Variants in PNKD observed in about 807,000 individuals in gnomAD.
PNKD encodes the protein PNKD metallo-beta-lactamase domain containing, also known as probable thioesterase PNKD.
In PNKD, 36 loss-of-function variants were observed where a neutral mutation model predicts 45.3. The ratio of observed to expected loss-of-function variants is 0.80; its 90% CI spans 0.61 to 1.05. PNKD has a LOEUF of 1.05. Ranked by LOEUF, PNKD falls within the 50% of genes least tolerant of loss-of-function variation. The probability of loss-of-function intolerance (pLI) is 0.00; values close to 1 mark genes in which losing one functional copy is unlikely to be tolerated. For missense variants in PNKD, 511 were observed against 506.6 expected (o/e 1.01, Z -0.08); for synonymous variants, 197 against 210.1 (o/e 0.94, Z 0.54).
intron 2 of PNKD, among the ~76,000 whole-genome samples, chr2:218,325,111 G>T (rs1281479895): frequency 1.4e-5 from 2 of 142,754 alleles, no homozygotes; most frequent in African/African-American, 5.2e-5. Flanking sequence ...GTGTTGGTCA[G>T]GCTGGTTGCA....
chr2:218,306,312 C>T (rs1574680251), intron 2 of PNKD, among the ~76,000 whole-genome samples: 2 of 152,072 alleles, frequency 1.3e-5, no homozygotes, highest in Admixed American at 1.3e-4. Context: ...CATGAGGACC[C>T]AAGGGCCTGA....
chr2:218,280,185 A>G (rs1691743139), intron 2 of PNKD: 2 of 1,242,698 alleles, frequency 1.6e-6, no homozygotes, highest in Non-Finnish European at 2.4e-6. Flanking sequence ...GTCAATCCCA[A>G]AGCCTCCCTG....
chr2:218,341,797 G>C, intron 6 of PNKD, 171 bp downstream of exon 6: 1 of 766,482 alleles, frequency 1.3e-6, no homozygotes, highest in South Asian at 1.5e-5. Context: ...AACTGATCCA[G>C]CCATAGTCCC....
intron 2 of PNKD, chr2:218,274,313 TC>T (rs1690999339): frequency 6.4e-6 from 1 of 155,086 alleles, no homozygotes; most frequent in Middle Eastern, 5.2e-4. Flanking sequence ...TGATTTGATT[TC>T]TGCCCCCACC....
intron 2 of PNKD, among the ~76,000 whole-genome samples, chr2:218,299,535 C>G (rs1574675435): frequency 6.6e-6 from 1 of 152,250 alleles, no homozygotes; most frequent in East Asian, 1.9e-4. Flanking sequence ...GCCTCAGCCC[C>G]CTGGGCTCAA....
At position 218,345,622 on chromosome 2, in the gene PNKD, C is replaced by A. The variant is rs577650959; in HGVS notation, c.*641C>A. The stretch of plus-strand genomic sequence containing the variant: ...ACTCTCTGCCTCAGTGGCCTCCCTA[C>A]AGCCTGGAAGAAGGAGGGTCCTGAT... On this transcript the variant is annotated 3_prime_UTR_variant, in exon 10 of 10. Coordinates refer to ENST00000273077, the MANE Select transcript of PNKD (RefSeq NM_015488.5). 2 of 152,938 alleles carry A rather than the reference C, an allele frequency of 1.3e-5. No individual in the cohort carries two copies. The highest frequency in any genetic ancestry group is 1.3e-4 in the Admixed American group (2 of 15,334). The allele number at this position is 152,938 out of a possible 1,614,324, so 9.5% of individuals were successfully genotyped here.
rs150838615 is a variant in PNKD at position 218,277,935 on chromosome 2, A to G, written c.236+6386A>G. Reference sequence around the variant, plus strand: ...CCTCCTGCCACCCTTCTAGACTTACAAAAAGGGTCAGCAGAATGATGTTCC... The same window carrying G: ...CCTCCTGCCACCCTTCTAGACTTACGAAAAGGGTCAGCAGAATGATGTTCC... On this transcript the variant is annotated intron_variant, in intron 2 of 9. Transcript: ENST00000273077. 1.8e-4 allele frequency: 295 copies of G among 1,614,182 alleles called. No homozygotes were observed. In the African/African-American group the frequency reaches 3.4e-3, roughly 18 times the overall value.
At chr2:218,327,609 C>T (rs1355708095) in intron 2 of PNKD, among the ~76,000 whole-genome samples, 2 of 152,138 alleles carry the variant, frequency 1.3e-5, no homozygotes, top group African/African-American at 4.8e-5. Context: ...GTGTCCCCTT[C>T]TGCAAGCCAC....
chr2:218,300,054 A>G (rs1693236486), intron 2 of PNKD, among the ~76,000 whole-genome samples: 1 of 152,004 alleles, frequency 6.6e-6, no homozygotes, highest in Non-Finnish European at 1.5e-5. Context: ...ACCGCGCCTG[A>G]CCACCACCTC....
At chr2:218,279,378 G>A in intron 2 of PNKD, 1 of 1,535,654 alleles carries the variant, frequency 6.5e-7, no homozygotes, top group Non-Finnish European at 8.8e-7. Context: ...CCGGGCATGG[G>A]TCACCATCCG....
chr2:218,324,043 C>A (rs1694071744), intron 2 of PNKD, among the ~76,000 whole-genome samples: 1 of 152,162 alleles, frequency 6.6e-6, no homozygotes, highest in South Asian at 2.1e-4. Flanking sequence ...TGAAATCTGA[C>A]CCAACTGACT....
At chr2:218,316,049 C>A (rs1311760561) in intron 2 of PNKD, among the ~76,000 whole-genome samples, 3 of 152,180 alleles carry the variant, frequency 2.0e-5, no homozygotes, top group African/African-American at 7.2e-5. Context: ...AGACCAGCAA[C>A]ATCAGTGGCG....
intron 2 of PNKD, among the ~76,000 whole-genome samples, chr2:218,309,378 C>T (rs946700912): frequency 7.7e-6 from 1 of 129,784 alleles, no homozygotes; most frequent in Non-Finnish European, 1.5e-5. Flanking sequence ...AAGATTGTGT[C>T]ACTGCACTCC....
intron 2 of PNKD, among the ~76,000 whole-genome samples, chr2:218,298,287 C>T (rs1382709406): frequency 6.6e-6 from 1 of 152,066 alleles, no homozygotes; most frequent in South Asian, 2.1e-4. Context: ...ATGCACGTTC[C>T]CTTGGGGATA....
At chr2:218,316,706 T>C (rs1394836446) in intron 2 of PNKD, 2 of 152,166 alleles carry the variant, frequency 1.3e-5, no homozygotes, top group Non-Finnish European at 2.9e-5. Context: ...GGAAATGACG[T>C]TGGGGCTTGA....
intron 2 of PNKD, among the ~76,000 whole-genome samples, chr2:218,315,094 C>CTCCTTCCTTCCT (rs71064434): frequency 0.012 from 1,249 of 101,628 alleles, 60 homozygotes; most frequent in African/African-American, 0.045. Context: ...CTCTCTCTCT[C>CTCCTTCCTTCCT]TCCTTCCTTC....
chr2:218,305,484 G>A (rs886235121), intron 2 of PNKD, among the ~76,000 whole-genome samples: 14 of 152,012 alleles, frequency 9.2e-5, no homozygotes, highest in Non-Finnish European at 1.8e-4. Context: ...TCAAGTAACT[G>A]GGACCACAGG....
chr2:218,340,644 C>T lies in PNKD; in HGVS notation c.466-84C>T. The stretch of plus-strand genomic sequence containing the variant: ...TCTCCATGCTCTCCTCTCCTCTCCA[C>T]CAGCGCCCACACTCCTGGCTCTTGC... On this transcript the variant is annotated intron_variant, in intron 4 of 9. Coordinates refer to ENST00000273077, the MANE Select transcript of PNKD (RefSeq NM_015488.5). This position sits in a 1 kb window ranked among gnomAD's most constrained non-coding sequence, Gnocchi z 4.2. 1 of 957,596 alleles carries T rather than the reference C, an allele frequency of 1.0e-6. No homozygotes were observed. The highest frequency in any genetic ancestry group is 1.7e-6 in the Non-Finnish European group (1 of 582,124). 59.3% of individuals were successfully genotyped at this position (957,596 alleles called of 1,614,324 possible).
chr2:218,305,891 A>T (rs1693392093), intron 2 of PNKD, among the ~76,000 whole-genome samples: 1 of 152,244 alleles, frequency 6.6e-6, no homozygotes, highest in African/African-American at 2.4e-5. Flanking sequence ...AAGGAAAGGC[A>T]TTATCAGCCT....
Sources: gnomAD v4.1 joint callset for allele counts (sites outside exome capture counted in the v4.1 genomes callset) on GRCh38, gnomAD v4.1.1 for gene constraint, Gnocchi (gnomAD v3.1) non-coding constraint, MANE v1.5 for transcripts, NCBI Gene and HGNC (gene_info 2026-07-23, HGNC 2026-07-21) for gene names.